ENTPD5: variants seen among roughly 807,000 people sequenced by gnomAD.
ENTPD5 encodes the protein nucleoside diphosphate phosphatase ENTPD5.
In ENTPD5, 49 loss-of-function variants were observed where a neutral mutation model predicts 60.2. The observed-to-expected ratio is 0.81, with a 90% CI of 0.65 to 1.03. ENTPD5 has a LOEUF of 1.03. ENTPD5 is among the 50% of genes least tolerant of loss of function. ENTPD5 has a pLI of 0.00. For missense variants in ENTPD5, 480 were observed against 507.6 expected (o/e 0.95, Z 0.52); for synonymous variants, 187 against 185.4 (o/e 1.01, Z -0.07).
rs1484085341 is a variant in ENTPD5, at chr14:73,983,047, C to T, written c.412G>A (p.Glu138Lys). ...AAGAGCAGAGCCTTGGCTTTGTGTT[C>T]TGGCAGTAAGCGTAGTCCTGCTGTT... ...KATAGLRLLP[E>K]HKAKALLFEV... Residue 138 changes from glutamate to lysine, a missense_variant, in exon 6 of 16, where the codon GAA (glutamate) becomes AAA (lysine). Transcript: ENST00000334696. The T allele has an allele frequency of 1.2e-6, 2 of 1,614,032 alleles. No homozygotes were observed. The highest frequency in any genetic ancestry group is 1.7e-6 in the Non-Finnish European group (2 of 1,180,010).
At chr14:73,996,875 C>G (rs2058357505) in intron 3 of ENTPD5, 1 of 152,178 alleles carries the variant, frequency 6.6e-6, no homozygotes, top group Non-Finnish European at 1.5e-5. Flanking sequence ...CCTAAGAGGT[C>G]AAGGCTGCAT....
intron 3 of ENTPD5, among the ~76,000 whole-genome samples, chr14:73,999,784 T>C (rs1481343411): frequency 6.9e-6 from 1 of 145,726 alleles, no homozygotes; most frequent in East Asian, 2.0e-4. Context: ...AGGGCGAGAC[T>C]CCGTCTCAAA....
intron 4 of ENTPD5, 25 bp from the exon 5 acceptor site, chr14:73,986,918 G>T (rs2057925451): frequency 6.3e-7 from 1 of 1,589,292 alleles, no homozygotes; most frequent in African/African-American, 1.3e-5. Flanking sequence ...GAACAAAACA[G>T]AAGAGAGAGC....
chr14:73,998,263 T>C (rs547064670), intron 3 of ENTPD5, among the ~76,000 whole-genome samples: 127 of 152,262 alleles, frequency 8.3e-4, no homozygotes, highest in African/African-American at 2.9e-3. Flanking sequence ...CAATTATGTG[T>C]ACCTGTGATA....
chr14:73,976,271 C>CCTGA, intron 9 of ENTPD5, 53 bp downstream of exon 9: 1 of 1,505,660 alleles, frequency 6.6e-7, no homozygotes, highest in East Asian at 2.3e-5. Flanking sequence ...TTCTTGGCAC[C>CCTGA]ATGATACGCC....
At chr14:73,982,927 G>T in intron 6 of ENTPD5, 91 bp downstream of exon 6, 1 of 1,306,204 alleles carries the variant, frequency 7.7e-7, no homozygotes, top group Non-Finnish European at 1.1e-6. Context: ...AATACTGAAG[G>T]TAGTGGTCAC....
intron 3 of ENTPD5, among the ~76,000 whole-genome samples, chr14:74,004,553 T>C (rs950596942): frequency 6.6e-6 from 1 of 152,130 alleles, no homozygotes; most frequent in African/African-American, 2.4e-5. Flanking sequence ...AGTCAAGATG[T>C]AGGCTGGGGC....
downstream of ENTPD5, chr14:73,959,932 A>G: frequency 8.6e-7 from 1 of 1,156,522 alleles, no homozygotes; most frequent in Non-Finnish European, 1.1e-6. Context: ...CTACTTTGTA[A>G]CTATAATGCT....
At chr14:73,962,735 TGA>T, downstream of ENTPD5, 1 of 536,066 alleles carries the variant, frequency 1.9e-6, no homozygotes, top group Non-Finnish European at 3.3e-6. Context: ...GAGGATTGCT[TGA>T]GCCTAGGAGT....
chr14:73,959,277 C>T (rs2140403105), downstream of ENTPD5: 2 of 1,614,236 alleles, frequency 1.2e-6, no homozygotes, highest in African/African-American at 1.3e-5. Context: ...CTTTCCTCTT[C>T]ACTTTCTCTC....
At chr14:73,974,897 C>A (rs559365959) in intron 11 of ENTPD5, 27 bp downstream of exon 11, 12 of 1,593,828 alleles carry the variant, frequency 7.5e-6, no homozygotes, top group African/African-American at 2.7e-5. Flanking sequence ...CTCACCATCC[C>A]CCCCCAGCAC....
rs149163018 is a variant in ENTPD5, at chr14:74,011,167, T to G, written c.-130-17A>C. The stretch of plus-strand genomic sequence containing the variant: ...TTTTTCAACCTGTGTAAGATGGACA[T>G]GAATAATTATAAGAACAGTTTCCTC... On this transcript the variant is annotated splice_polypyrimidine_tract_variant and intron_variant, in intron 2 of 15. Coordinates refer to ENST00000334696, the MANE Select transcript of ENTPD5 (RefSeq NM_001249.5). 9.5e-4 allele frequency: 743 copies of G among 779,794 alleles called. 9 individuals carry two copies. In the African/African-American group the frequency reaches 0.013, roughly 14 times the overall value. 48.3% of individuals were successfully genotyped at this position (779,794 alleles called of 1,614,324 possible). A position where few individuals can be genotyped will look rare whatever the true frequency, so the allele number is the denominator to read the frequency against.
downstream of ENTPD5, chr14:73,963,064 C>T (rs539204918): frequency 4.6e-5 from 57 of 1,246,244 alleles, no homozygotes; most frequent in East Asian, 1.2e-3. Context: ...ACCCATCATA[C>T]ATATTTTCAA....
chr14:73,968,281 A>C (rs1262738099), intron 15 of ENTPD5, among the ~76,000 whole-genome samples: 1 of 152,170 alleles, frequency 6.6e-6, no homozygotes, highest in African/African-American at 2.4e-5. Context: ...TCGGTTTATC[A>C]ATTTGTTTTC....
chr14:73,995,872 C>T (rs186488902), intron 3 of ENTPD5, among the ~76,000 whole-genome samples: 15 of 152,164 alleles, frequency 9.9e-5, no homozygotes, highest in Admixed American at 3.9e-4. Flanking sequence ...CTCTTATTCA[C>T]CCCCCAACAA....
intron 15 of ENTPD5, 113 bp downstream of exon 15, chr14:73,969,896 CA>C (rs1307700551): frequency 3.9e-6 from 3 of 764,966 alleles, no homozygotes; most frequent in Non-Finnish European, 6.8e-6. Flanking sequence ...ATAGCCCAAA[CA>C]AAAATACCTC....
At chr14:73,989,343 C>T (rs1441209035) in intron 3 of ENTPD5, among the ~76,000 whole-genome samples, 2 of 151,576 alleles carry the variant, frequency 1.3e-5, no homozygotes, top group South Asian at 2.1e-4. Context: ...AGGTGGATCA[C>T]GTGAGGTCAG....
intron 3 of ENTPD5, chr14:74,003,593 A>T (rs1297328798): frequency 1.8e-6 from 1 of 561,108 alleles, no homozygotes; most frequent in Non-Finnish European, 3.3e-6. Flanking sequence ...GTCTCAATGG[A>T]TCCAGAACTT....
chr14:73,988,747 C>T (rs2058009687), intron 3 of ENTPD5, among the ~76,000 whole-genome samples: 1 of 152,184 alleles, frequency 6.6e-6, no homozygotes, highest in African/African-American at 2.4e-5. Context: ...TTTTAGCTCC[C>T]ATATATGAGT....
Sources: gnomAD v4.1 joint callset for allele counts (sites outside exome capture counted in the v4.1 genomes callset) on GRCh38, gnomAD v4.1.1 for gene constraint, MANE v1.5 for transcripts, NCBI Gene and HGNC (gene_info 2026-07-23, HGNC 2026-07-21) for gene names.